The following USP31 variants were observed in gnomAD, a reference collection of about 807,000 sequenced individuals.
USP31 encodes ubiquitin carboxyl-terminal hydrolase 31.
USP31 carries 44 observed loss-of-function variants against 119.4 expected under a neutral mutation model. That is an observed-to-expected ratio of 0.37 (90% CI 0.29 to 0.47). USP31 has a LOEUF of 0.47. Among genes scored for constraint, USP31 ranks in the 20% least tolerant of loss-of-function variants. USP31 has a pLI of 0.99. For synonymous variants in USP31, 749 were observed against 705.6 expected, an observed-to-expected ratio of 1.06 and a Z score of -0.97; for missense variants, 1,643 against 1,730.2, an observed-to-expected ratio of 0.95 and a Z score of 0.89.
intron 1 of USP31, among the ~76,000 whole-genome samples, chr16:23,145,106 T>A (rs1490660459): frequency 1.3e-5 from 2 of 152,180 alleles, no homozygotes; most frequent in Admixed American, 1.3e-4. Context: ...CGCCCTTTCA[T>A]GCAACTCCAC....
At chr16:23,125,241 T>A (rs1161728394) in intron 1 of USP31, among the ~76,000 whole-genome samples, 2 of 152,192 alleles carry the variant, frequency 1.3e-5, no homozygotes, top group Non-Finnish European at 2.9e-5. Flanking sequence ...ATATGGAAAC[T>A]GAGGCTCAGT....
intron 5 of USP31, among the ~76,000 whole-genome samples, chr16:23,103,901 T>G (rs1467030598): frequency 6.6e-6 from 1 of 152,164 alleles, no homozygotes; most frequent in Non-Finnish European, 1.5e-5. Context: ...GGCAACAGAG[T>G]GAGACCCTGT....
intron 1 of USP31, among the ~76,000 whole-genome samples, chr16:23,117,585 A>C (rs1416364613): frequency 6.6e-6 from 1 of 152,240 alleles, no homozygotes; most frequent in Non-Finnish European, 1.5e-5. Flanking sequence ...ACAAGGAGCA[A>C]AAGTTGTCCC....
chr16:23,100,076 A>T (rs1399299989), intron 6 of USP31, among the ~76,000 whole-genome samples: 9 of 152,354 alleles, frequency 5.9e-5, no homozygotes, highest in Admixed American at 5.9e-4. Flanking sequence ...AACACTGCTG[A>T]TAAAAATGTA....
intron 1 of USP31, among the ~76,000 whole-genome samples, chr16:23,114,461 A>G (rs1902427106): frequency 6.6e-6 from 1 of 152,100 alleles, no homozygotes; most frequent in Non-Finnish European, 1.5e-5. Context: ...GGAAAAAAAA[A>G]AAAAAAAAGA....
intron 6 of USP31, among the ~76,000 whole-genome samples, chr16:23,096,971 A>G (rs1901639416): frequency 2.0e-5 from 3 of 152,202 alleles, no homozygotes; most frequent in Non-Finnish European, 4.4e-5. Context: ...AGCTAGCAGA[A>G]GGCAAGAAAT....
At chr16:23,104,520 A>G (rs1902013789) in intron 5 of USP31, among the ~76,000 whole-genome samples, 1 of 152,216 alleles carries the variant, frequency 6.6e-6, no homozygotes, top group East Asian at 1.9e-4. Context: ...TTTTCAGAGT[A>G]GGAAAGAATA....
At position 23,065,852 on chromosome 16, in the gene USP31, CTA is replaced by C. The variant is rs1217017206; in HGVS notation, c.*2192_*2193del. 23 of 152,118 alleles carry C rather than the reference CTA, an allele frequency of 1.5e-4. 1 individual carries two copies. The highest frequency in any genetic ancestry group is 5.6e-4 in the African/African-American group (23 of 41,420). The allele number at this position is 152,118 out of a possible 1,614,324, so 9.4% of individuals were successfully genotyped here. ...TATTAAAAACCTTTGTCTAATCAAA[CTA>C]TAATTGTTTCAGAGATTCAGATAGG... On this transcript the variant is annotated 3_prime_UTR_variant, in exon 16 of 16. Transcript: ENST00000219689.
At chr16:23,144,637 G>A (rs1449164216) in intron 1 of USP31, among the ~76,000 whole-genome samples, 1 of 151,924 alleles carries the variant, frequency 6.6e-6, no homozygotes, top group Non-Finnish European at 1.5e-5. Context: ...GTGCCACCAC[G>A]CTCGGCTACT....
rs1464911649 is a variant in USP31, at chr16:23,067,851, T to C, written c.*195A>G. On this transcript the variant is annotated 3_prime_UTR_variant, in exon 16 of 16. Transcript: ENST00000219689. ...TGCCTATGGCTGTTATTTGGTTCAA[T>C]GGCAGAATAAGGCGACGCTTTGAAC... 4.6e-6 allele frequency: 3 copies of C among 649,602 alleles called. No individual in the cohort carries two copies. The highest frequency in any genetic ancestry group is 3.5e-5 in the Admixed American group (1 of 28,208). The allele number at this position is 649,602 out of a possible 1,614,324, so 40.2% of individuals were successfully genotyped here. A position where few individuals can be genotyped will look rare whatever the true frequency, so the allele number is the denominator to read the frequency against.
At chr16:23,133,828 C>T (rs938871258) in intron 1 of USP31, among the ~76,000 whole-genome samples, 9 of 152,148 alleles carry the variant, frequency 5.9e-5, no homozygotes, top group Non-Finnish European at 1.2e-4. Flanking sequence ...ATAATCTCAG[C>T]GCTTTGGGAG....
At chr16:23,110,924 C>A (rs891169534) in intron 1 of USP31, among the ~76,000 whole-genome samples, 4 of 151,976 alleles carry the variant, frequency 2.6e-5, no homozygotes, top group Non-Finnish European at 5.9e-5. Flanking sequence ...GTCAGGAGAT[C>A]GAGACCATCC....
At chr16:23,073,265 T>C (rs1369904035) in intron 14 of USP31, among the ~76,000 whole-genome samples, 2 of 152,216 alleles carry the variant, frequency 1.3e-5, no homozygotes, top group African/African-American at 4.8e-5. Context: ...CTATTTCTAA[T>C]GGTCCTTTAC....
intron 11 of USP31, among the ~76,000 whole-genome samples, chr16:23,084,156 T>G (rs1021717586): frequency 3.3e-5 from 5 of 152,210 alleles, no homozygotes; most frequent in Non-Finnish European, 5.9e-5. Context: ...GTAGTCAAAA[T>G]TATGATCCTA....
chr16:23,121,762 C>T (rs1410452582), intron 1 of USP31, among the ~76,000 whole-genome samples: 3 of 152,068 alleles, frequency 2.0e-5, no homozygotes, highest in Non-Finnish European at 4.4e-5. Context: ...GGGTACCACA[C>T]ATTCTTAACA....
rs1156438211 is a variant in USP31 at position 23,149,281 on chromosome 16, G to A, written c.-11C>T. ...CGTTACCTTGGACATGGCGGCGGCC[G>A]CAGACACTCATCACCGCGCCCGCCC... is the stretch of plus-strand genomic sequence containing the variant. On this transcript the variant is annotated 5_prime_UTR_variant, in exon 1 of 16. Coordinates refer to ENST00000219689, the MANE Select transcript of USP31 (RefSeq NM_020718.4). 14 of 1,070,088 alleles carry A rather than the reference G, an allele frequency of 1.3e-5. No individual in the cohort carries two copies. The Admixed American group carries it at 6.0e-4, about 46-fold the overall frequency. 66.3% of individuals were successfully genotyped at this position (1,070,088 alleles called of 1,614,324 possible).
chr16:23,072,200 G>T lies in USP31; in HGVS notation c.2336-3C>A. 1 of 1,604,642 alleles carries T rather than the reference G, an allele frequency of 6.2e-7. No individual in the cohort carries two copies. On this transcript the variant is annotated splice_region_variant and splice_polypyrimidine_tract_variant and intron_variant, in intron 14 of 15. Coordinates refer to ENST00000219689, the MANE Select transcript of USP31 (RefSeq NM_020718.4). The stretch of plus-strand genomic sequence containing the variant: ...ACACAGGGAAGAACTTGTGGAGCCT[G>T]CAGAGAAGAAAACAGGCATAGAGGT...
At chr16:23,081,175 G>C (rs1490632042) in intron 12 of USP31, among the ~76,000 whole-genome samples, 1 of 152,154 alleles carries the variant, frequency 6.6e-6, no homozygotes, top group Non-Finnish European at 1.5e-5. Flanking sequence ...GAGTCAAAGA[G>C]GACACTGCAG....
chr16:23,075,559 A>G (rs1900532246), intron 13 of USP31, among the ~76,000 whole-genome samples: 1 of 152,198 alleles, frequency 6.6e-6, no homozygotes, highest in South Asian at 2.1e-4. Context: ...AAGCACCAAA[A>G]AGGAGAAAAG....
Sources: gnomAD v4.1 joint callset for allele counts (sites outside exome capture counted in the v4.1 genomes callset) on GRCh38, gnomAD v4.1.1 for gene constraint, MANE v1.5 for transcripts, NCBI Gene and HGNC (gene_info 2026-07-23, HGNC 2026-07-21) for gene names.